The following CSMD1 variants were observed in gnomAD, a reference collection of about 807,000 sequenced individuals.
CSMD1 encodes the protein CUB and Sushi multiple domains 1, also known as CUB and sushi domain-containing protein 1.
CSMD1 carries 213 observed loss-of-function variants against 417.5 expected under a neutral mutation model. That is an observed-to-expected ratio of 0.51 (90% CI 0.46 to 0.57). The LOEUF (loss-of-function observed/expected upper bound fraction) is 0.57, where lower values mean the gene tolerates loss of function less well. Among genes scored for constraint, CSMD1 ranks in the 20% least tolerant of loss-of-function variants. The probability of loss-of-function intolerance (pLI) is 0.00; values close to 1 mark genes in which losing one functional copy is unlikely to be tolerated. For synonymous variants in CSMD1, 2,862 were observed against 1,736.8 expected (o/e 1.65, Z -16.11); for missense variants, 6,923 against 4,529.7 (o/e 1.53, Z -15.17).
chr8:2,996,738 C>T (rs911595582), intron 54 of CSMD1, among the ~76,000 whole-genome samples: 2 of 152,184 alleles, frequency 1.3e-5, no homozygotes, highest in Non-Finnish European at 2.9e-5. Context: ...TCTTATTTCT[C>T]GTGATTGTGA....
intron 3 of CSMD1, among the ~76,000 whole-genome samples, chr8:4,084,381 C>T (rs1018539309): frequency 6.6e-6 from 1 of 151,220 alleles, no homozygotes; most frequent in African/African-American, 2.4e-5. Context: ...GAATTAGAAA[C>T]AATATGCGAT....
chr8:4,405,645 G>A (rs895443955), intron 3 of CSMD1, among the ~76,000 whole-genome samples: 3 of 152,158 alleles, frequency 2.0e-5, no homozygotes, highest in Non-Finnish European at 4.4e-5. Flanking sequence ...GCTTGGCATT[G>A]CATTATCCTC....
intron 2 of CSMD1, among the ~76,000 whole-genome samples, chr8:4,610,942 T>C (rs11995546): frequency 0.016 from 2,423 of 152,314 alleles, 63 homozygotes; most frequent in African/African-American, 0.051. Flanking sequence ...GAAATCACAT[T>C]CGATAAAATT....
At chr8:4,564,059 A>G (rs187328704) in intron 2 of CSMD1, among the ~76,000 whole-genome samples, 18 of 152,336 alleles carry the variant, frequency 1.2e-4, no homozygotes, top group African/African-American at 1.7e-4. Flanking sequence ...CATTCCTAGC[A>G]TATCTTAAGT....
chr8:4,170,435 C>G (rs184992429), intron 3 of CSMD1, among the ~76,000 whole-genome samples: 23 of 151,996 alleles, frequency 1.5e-4, no homozygotes, highest in Non-Finnish European at 2.6e-4. Flanking sequence ...TTAAAATGTT[C>G]AAATACTTCC....
At chr8:4,203,023 C>T (rs542232679) in intron 3 of CSMD1, among the ~76,000 whole-genome samples, 27 of 152,286 alleles carry the variant, frequency 1.8e-4, no homozygotes, top group African/African-American at 6.0e-4. Flanking sequence ...GACTATGTTT[C>T]CTTACCTGCT....
At chr8:3,713,382 T>A (rs1437049786) in intron 6 of CSMD1, among the ~76,000 whole-genome samples, 2 of 152,126 alleles carry the variant, frequency 1.3e-5, no homozygotes, top group African/African-American at 2.4e-5. Flanking sequence ...ATGTAAGAAG[T>A]GAATACAACT....
intron 3 of CSMD1, among the ~76,000 whole-genome samples, chr8:4,274,561 G>A (rs1344560577): frequency 1.3e-5 from 2 of 152,012 alleles, no homozygotes; most frequent in Non-Finnish European, 2.9e-5. Flanking sequence ...TATAGGGAAG[G>A]CCTTCTGTTC....
chr8:4,250,923 G>A (rs888276700), intron 3 of CSMD1, among the ~76,000 whole-genome samples: 3 of 152,104 alleles, frequency 2.0e-5, no homozygotes, highest in Admixed American at 1.3e-4. Context: ...CTTAGTCACG[G>A]CTGAGCTCTT....
intron 1 of CSMD1, among the ~76,000 whole-genome samples, chr8:4,968,790 G>T (rs1810047664): frequency 6.6e-6 from 1 of 152,020 alleles, no homozygotes; most frequent in African/African-American, 2.4e-5. Flanking sequence ...AATAAAAAAA[G>T]GAAAGTCTGG....
chr8:4,647,274 CG>C (rs1803577512), intron 1 of CSMD1, among the ~76,000 whole-genome samples: 1 of 150,016 alleles, frequency 6.7e-6, no homozygotes, highest in Non-Finnish European at 1.5e-5. Context: ...AAAAAAAATC[CG>C]GGATACATGT....
At chr8:4,905,767 C>G (rs1275729283) in intron 1 of CSMD1, among the ~76,000 whole-genome samples, 1 of 147,604 alleles carries the variant, frequency 6.8e-6, no homozygotes, top group African/African-American at 2.5e-5. Context: ...TTGCAGTGAG[C>G]CGAGATTGTG....
At chr8:3,651,247 T>G (rs1254977010) in intron 7 of CSMD1, among the ~76,000 whole-genome samples, 2 of 152,142 alleles carry the variant, frequency 1.3e-5, no homozygotes, top group Non-Finnish European at 2.9e-5. Context: ...GTATCACCCC[T>G]TTGGTTGAAA....
chr8:3,555,975 A>T (rs369352723), intron 10 of CSMD1, among the ~76,000 whole-genome samples: 1 of 152,180 alleles, frequency 6.6e-6, no homozygotes, highest in Non-Finnish European at 1.5e-5. Flanking sequence ...TAAATGACAG[A>T]CTATTAAAAC....
chr8:3,300,680 G>C (rs1269559262), intron 25 of CSMD1, among the ~76,000 whole-genome samples: 1 of 152,072 alleles, frequency 6.6e-6, no homozygotes, highest in African/African-American at 2.4e-5. Flanking sequence ...GAAATGGCCA[G>C]GCCTGGTGGC....
At chr8:4,433,745 C>T (rs1332334989) in intron 2 of CSMD1, among the ~76,000 whole-genome samples, 1 of 152,116 alleles carries the variant, frequency 6.6e-6, no homozygotes, top group Non-Finnish European at 1.5e-5. Flanking sequence ...CATTTATTTC[C>T]TACACCTTTA....
Position 3,366,405 on chromosome 8 carries a change from T to C in CSMD1, c.3115+627A>G, listed in dbSNP as rs368213223. ...TCTGTAGAAAAAATTAGCATCTCTGTCATAGAACTATACAAATTAAACAAT... is the reference window on the plus strand; with the variant it reads ...TCTGTAGAAAAAATTAGCATCTCTGCCATAGAACTATACAAATTAAACAAT... On this transcript the variant is annotated intron_variant, in intron 20 of 69. Transcript: ENST00000635120. 1.1e-4 allele frequency among the ~76,000 whole-genome samples: 16 copies of C among 152,294 alleles called. No homozygotes were observed. In the East Asian group the frequency reaches 1.2e-3, roughly 11 times the overall value.
At chr8:3,209,168 T>C (rs890446817) in intron 30 of CSMD1, among the ~76,000 whole-genome samples, 6 of 152,182 alleles carry the variant, frequency 3.9e-5, no homozygotes, top group Admixed American at 6.5e-5. Context: ...AAATAGTGCT[T>C]GTGCCTGTCC....
At chr8:3,961,782 G>A (rs572307456) in intron 5 of CSMD1, among the ~76,000 whole-genome samples, 8 of 152,128 alleles carry the variant, frequency 5.3e-5, no homozygotes, top group African/African-American at 1.9e-4. Flanking sequence ...CTTTGATAAT[G>A]GTGCACTGGG....
Sources: gnomAD v4.1 joint callset for allele counts (sites outside exome capture counted in the v4.1 genomes callset) on GRCh38, gnomAD v4.1.1 for gene constraint, MANE v1.5 for transcripts, NCBI Gene and HGNC (gene_info 2026-07-23, HGNC 2026-07-21) for gene names.